LRRN1: variants seen among roughly 807,000 people sequenced by gnomAD.
The protein encoded by LRRN1 is leucine rich repeat neuronal 1.
Under a neutral mutation model 45.8 loss-of-function variants are expected in LRRN1, and 14 were observed. The observed-to-expected ratio is 0.31, with a 90% CI of 0.20 to 0.48. LRRN1 has a LOEUF of 0.48. Ranked by LOEUF, LRRN1 falls within the 20% of genes least tolerant of loss-of-function variation. The pLI is 0.99. For missense variants in LRRN1, 789 were observed against 874.2 expected (o/e 0.90, Z 1.23); for synonymous variants, 359 against 330.1 (o/e 1.09, Z -0.95).
At chr3:3,834,531 T>TATATATATATATATATATATATG (rs1293127485) in intron 1 of LRRN1, among the ~76,000 whole-genome samples, 2 of 102,506 alleles carry the variant, frequency 2.0e-5, no homozygotes, top group African/African-American at 7.2e-5. Context: ...ACAGGATATA[T>TATATATATATATATATATATATG]ATATATATAT....
chr3:3,826,299 G>A (rs1333476425), intron 1 of LRRN1, among the ~76,000 whole-genome samples: 1 of 152,172 alleles, frequency 6.6e-6, no homozygotes, highest in Non-Finnish European at 1.5e-5. Flanking sequence ...GACACCAGAG[G>A]AAAGGGCTGA....
rs931875896 is a variant in LRRN1, at chr3:3,846,139, G to C, written c.1498G>C (p.Val500Leu). 1.2e-6 allele frequency: 2 copies of C among 1,614,082 alleles called. No homozygotes were observed. The highest frequency in any genetic ancestry group is 2.2e-5 in the South Asian group (2 of 91,082). Residue 500 changes from valine to leucine, a missense_variant, in exon 2 of 2, where the codon GTT (valine) becomes CTT (leucine). Physicochemically the swap from Val to Leu is conservative, Grantham distance 32 (BLOSUM62 1). Transcript: ENST00000319331. This position sits in a 1 kb window ranked among gnomAD's most constrained non-coding sequence, Gnocchi z 5.7. Reference protein sequence around the residue: ...QIEDSGRYTCVAQNVQGADTR... With the variant: ...QIEDSGRYTCLAQNVQGADTR... The stretch of plus-strand genomic sequence containing the variant: ...TGAAGACTCAGGAAGATACACATGT[G>C]TTGCCCAGAATGTCCAAGGGGCAGA...
intron 1 of LRRN1, among the ~76,000 whole-genome samples, chr3:3,815,336 C>T (rs533879830): frequency 6.6e-6 from 1 of 152,098 alleles, no homozygotes; most frequent in Non-Finnish European, 1.5e-5. Flanking sequence ...ACTCAGAATA[C>T]CACTGCTTTG....
At chr3:3,827,056 G>A (rs544415156) in intron 1 of LRRN1, among the ~76,000 whole-genome samples, 2 of 152,182 alleles carry the variant, frequency 1.3e-5, no homozygotes, top group South Asian at 2.1e-4. Flanking sequence ...GATTCAATAC[G>A]AGACATCAAT....
At chr3:3,822,785 G>C (rs1490260266) in intron 1 of LRRN1, 2 of 152,172 alleles carry the variant, frequency 1.3e-5, no homozygotes, top group Non-Finnish European at 2.9e-5. Flanking sequence ...GAGCTGGGAA[G>C]AGAAGGGTTG....
At chr3:3,810,457 A>G (rs577645526) in intron 1 of LRRN1, among the ~76,000 whole-genome samples, 1 of 152,350 alleles carries the variant, frequency 6.6e-6, no homozygotes, top group East Asian at 1.9e-4. Flanking sequence ...CAATATCATC[A>G]TCTTGTATCT....
chr3:3,828,991 C>CTTT (rs386395826), intron 1 of LRRN1, among the ~76,000 whole-genome samples: 2,090 of 140,514 alleles, frequency 0.015, 53 homozygotes, highest in African/African-American at 0.049. Flanking sequence ...TCTTTTCTTT[C>CTTT]TTTTTTTTTT....
At chr3:3,822,514 C>A in intron 1 of LRRN1, among the ~76,000 whole-genome samples, 1 of 151,846 alleles carries the variant, frequency 6.6e-6, no homozygotes, top group Non-Finnish European at 1.5e-5. Context: ...TTTTATGTTT[C>A]TTTGGTGAAG....
rs200105184 is a variant in LRRN1, at chr3:3,834,556, T to C, written c.-278-9808T>C. ...TATATATATATATATATATATATGA[T>C]ATATATATTATTATACATATTATAT... is the stretch of plus-strand genomic sequence containing the variant. On this transcript the variant is annotated intron_variant, in intron 1 of 1. Coordinates refer to ENST00000319331, the MANE Select transcript of LRRN1 (RefSeq NM_020873.7). 9.2e-4 allele frequency among the ~76,000 whole-genome samples: 106 copies of C among 115,116 alleles called. 4 individuals carry two copies. The East Asian group carries it at 0.023, about 25-fold the overall frequency. The allele number at this position is 115,116 out of a possible 152,430, so 75.5% of individuals were successfully genotyped here. A position where few individuals can be genotyped will look rare whatever the true frequency, so the allele number is the denominator to read the frequency against.
chr3:3,836,757 C>A (rs1321586695), intron 1 of LRRN1, among the ~76,000 whole-genome samples: 1 of 152,010 alleles, frequency 6.6e-6, no homozygotes, highest in Non-Finnish European at 1.5e-5. Flanking sequence ...GGGGGTGGTA[C>A]AATTTTAGGG....
In LRRN1 at chr3:3,846,961, G is replaced by T; in HGVS notation, c.*169G>T. ...TTTTTTAGTATAGCGTATCGCAAGG[G>T]TTTGACACGGCTGCCAGCGACTCTA... On this transcript the variant is annotated 3_prime_UTR_variant, in exon 2 of 2. Transcript: ENST00000319331. The surrounding 1 kb of genome is among the most constrained non-coding windows in gnomAD (Gnocchi z 5.7). The T allele has an allele frequency of 1.2e-5, 6 of 511,156 alleles. No individual in the cohort carries two copies. The highest frequency in any genetic ancestry group is 1.7e-5 in the Non-Finnish European group (5 of 288,208). The allele number at this position is 511,156 out of a possible 1,614,324, so 31.7% of individuals were successfully genotyped here. A position where few individuals can be genotyped will look rare whatever the true frequency, so the allele number is the denominator to read the frequency against.
In LRRN1 at chr3:3,846,835, G is replaced by C. The variant is rs370731991; in HGVS notation, c.*43G>C. ...TTCTGGTAGTAAGGAGCACAAAGAC[G>C]TTTTTGCTTTATTCTGCAAAAGTGA... On this transcript the variant is annotated 3_prime_UTR_variant, in exon 2 of 2. Transcript: ENST00000319331. This position sits in a 1 kb window ranked among gnomAD's most constrained non-coding sequence, Gnocchi z 5.7. 1 of 1,483,380 alleles carries C rather than the reference G, an allele frequency of 6.7e-7. No homozygotes were observed. The highest frequency in any genetic ancestry group is 9.1e-7 in the Non-Finnish European group (1 of 1,098,592). 91.9% of individuals were successfully genotyped at this position (1,483,380 alleles called of 1,614,324 possible).
intron 1 of LRRN1, among the ~76,000 whole-genome samples, chr3:3,819,998 C>T (rs1263593814): frequency 2.0e-5 from 3 of 152,170 alleles, no homozygotes; most frequent in Non-Finnish European, 4.4e-5. Flanking sequence ...AGCCTATGCT[C>T]ATTCTCGTAT....
intron 1 of LRRN1, among the ~76,000 whole-genome samples, chr3:3,803,015 G>A (rs1428302045): frequency 3.3e-5 from 5 of 152,132 alleles, no homozygotes; most frequent in Non-Finnish European, 7.4e-5. Flanking sequence ...GGATCATTCT[G>A]CTAAATAAAA....
chr3:3,801,996 C>G (rs967287270), intron 1 of LRRN1, among the ~76,000 whole-genome samples: 3 of 152,136 alleles, frequency 2.0e-5, no homozygotes, highest in African/African-American at 7.2e-5. Flanking sequence ...TGTCGTTGAC[C>G]GACATGAAGA....
intron 1 of LRRN1, among the ~76,000 whole-genome samples, chr3:3,807,530 C>T (rs1320440481): frequency 6.6e-6 from 1 of 152,142 alleles, no homozygotes; most frequent in Non-Finnish European, 1.5e-5. Context: ...GTAAGACTTG[C>T]ACGTCAGAAC....
chr3:3,837,347 A>G (rs1447387216), intron 1 of LRRN1, among the ~76,000 whole-genome samples: 6 of 151,224 alleles, frequency 4.0e-5, no homozygotes, highest in Admixed American at 3.9e-4. Flanking sequence ...CCCCCATTTT[A>G]TAACCCCACA....
chr3:3,835,448 G>A (rs970231526), intron 1 of LRRN1, among the ~76,000 whole-genome samples: 1 of 152,118 alleles, frequency 6.6e-6, no homozygotes. Context: ...AAAATTGTAA[G>A]TTGAACTATC....
intron 1 of LRRN1, among the ~76,000 whole-genome samples, chr3:3,827,042 C>G (rs1693232246): frequency 1.3e-5 from 2 of 152,168 alleles, no homozygotes; most frequent in Non-Finnish European, 2.9e-5. Context: ...ATGAAAAAGA[C>G]TCAGATTCAA....
Sources: gnomAD v4.1 joint callset for allele counts (sites outside exome capture counted in the v4.1 genomes callset) on GRCh38, gnomAD v4.1.1 for gene constraint, Gnocchi (gnomAD v3.1) non-coding constraint, MANE v1.5 for transcripts, NCBI Gene and HGNC (gene_info 2026-07-23, HGNC 2026-07-21) for gene names.